CNTN5: variants seen among roughly 807,000 people sequenced by gnomAD.
The protein encoded by CNTN5 is contactin 5.
In CNTN5, 77 loss-of-function variants were observed where a neutral mutation model predicts 129.1. That is an observed-to-expected ratio of 0.60 (90% CI 0.50 to 0.72). The LOEUF is 0.72. Among genes scored for constraint, CNTN5 ranks in the 30% least tolerant of loss-of-function variants. CNTN5 has a pLI of 0.00. For missense variants in CNTN5, 1,478 were observed against 1,328.8 expected (o/e 1.11, Z -1.75); for synonymous variants, 509 against 465.6 (o/e 1.09, Z -1.20).
intron 3 of CNTN5, among the ~76,000 whole-genome samples, chr11:99,741,833 C>G (rs1334537417): frequency 1.3e-5 from 2 of 151,994 alleles, no homozygotes; most frequent in Admixed American, 6.6e-5. Flanking sequence ...TGTCTTGCCG[C>G]TATGTTTGGT....
intron 21 of CNTN5, among the ~76,000 whole-genome samples, chr11:100,323,578 C>T (rs1216221659): frequency 6.6e-6 from 1 of 151,990 alleles, no homozygotes; most frequent in East Asian, 1.9e-4. Context: ...CCATCATTTT[C>T]TTAATATCTG....
intron 18 of CNTN5, among the ~76,000 whole-genome samples, chr11:100,286,131 A>G (rs1048702392): frequency 6.6e-6 from 1 of 152,194 alleles, no homozygotes; most frequent in African/African-American, 2.4e-5. Flanking sequence ...GCTGATTGCT[A>G]GCACAGCAGT....
At chr11:99,451,799 T>G (rs2135194564) in intron 2 of CNTN5, among the ~76,000 whole-genome samples, 1 of 152,290 alleles carries the variant, frequency 6.6e-6, no homozygotes, top group South Asian at 2.1e-4. Flanking sequence ...TTTGGACACA[T>G]AATCTTCTTA....
chr11:100,095,821 G>T (rs934721017), intron 13 of CNTN5, among the ~76,000 whole-genome samples: 1 of 152,058 alleles, frequency 6.6e-6, no homozygotes, highest in South Asian at 2.1e-4. Flanking sequence ...GTGTGCCTTC[G>T]GTGATTTATT....
intron 1 of CNTN5, among the ~76,000 whole-genome samples, chr11:99,051,762 C>G (rs546109434): frequency 6.6e-6 from 1 of 151,726 alleles, no homozygotes; most frequent in Non-Finnish European, 1.5e-5. Context: ...ATTAATTCAT[C>G]GAAGTGTACT....
intron 16 of CNTN5, among the ~76,000 whole-genome samples, chr11:100,233,295 G>A (rs1949534077): frequency 6.6e-6 from 1 of 151,352 alleles, no homozygotes; most frequent in Admixed American, 6.6e-5. Flanking sequence ...GTAAAAGGGA[G>A]GAAGAAAGAA....
chr11:99,352,901 T>A (rs958614378), intron 2 of CNTN5, among the ~76,000 whole-genome samples: 2 of 152,188 alleles, frequency 1.3e-5, no homozygotes, highest in Admixed American at 6.5e-5. Flanking sequence ...GAGTGTGTTT[T>A]CCTGACTGTC....
At chr11:99,977,736 C>T (rs537893032) in intron 8 of CNTN5, among the ~76,000 whole-genome samples, 30 of 152,254 alleles carry the variant, frequency 2.0e-4, no homozygotes, top group African/African-American at 6.5e-4. Flanking sequence ...CATGAGGCCC[C>T]GCCTTCAACA....
chr11:99,877,309 T>C (rs1373486628), intron 6 of CNTN5, among the ~76,000 whole-genome samples: 1 of 152,168 alleles, frequency 6.6e-6, no homozygotes. Flanking sequence ...ATTGAACTAC[T>C]CAGCCAGATC....
At chr11:99,850,971 G>A (rs183442414) in intron 6 of CNTN5, among the ~76,000 whole-genome samples, 281 of 152,100 alleles carry the variant, frequency 1.8e-3, no homozygotes, top group Non-Finnish European at 2.6e-3. Context: ...TTCCTTAACC[G>A]GAACTAGAAT....
chr11:99,428,559 C>CAAA (rs60754666), intron 2 of CNTN5, among the ~76,000 whole-genome samples: 23 of 57,288 alleles, frequency 4.0e-4, no homozygotes, highest in Admixed American at 3.1e-3. Flanking sequence ...GACCCTGTCT[C>CAAA]AAAAAAAAAA....
At chr11:99,117,701 A>G (rs1858108147) in intron 1 of CNTN5, among the ~76,000 whole-genome samples, 1 of 152,156 alleles carries the variant, frequency 6.6e-6, no homozygotes, top group Admixed American at 6.6e-5. Context: ...TCATGAGGGT[A>G]GGGCTCCCAT....
At chr11:99,241,317 G>GTTTTTTTTTTTTTTTTTTTTTTTT (rs1565430527) in intron 1 of CNTN5, among the ~76,000 whole-genome samples, 2 of 60,130 alleles carry the variant, frequency 3.3e-5, no homozygotes, top group African/African-American at 1.1e-4. Context: ...TTTGATTGTT[G>GTTTTTTTTTTTTTTTTTTTTTTTT]GTTTTTTTTT....
At chr11:100,336,862 G>A (rs1207546942) in intron 21 of CNTN5, 1 of 495,334 alleles carries the variant, frequency 2.0e-6, no homozygotes, top group South Asian at 2.1e-5. Flanking sequence ...TCTAGATGTG[G>A]AACAGTGGAT....
At chr11:99,766,719 T>C (rs1235480390) in intron 3 of CNTN5, among the ~76,000 whole-genome samples, 1 of 152,090 alleles carries the variant, frequency 6.6e-6, no homozygotes, top group East Asian at 1.9e-4. Flanking sequence ...GAACTGGATT[T>C]AATATGCTTT....
intron 8 of CNTN5, among the ~76,000 whole-genome samples, chr11:99,990,483 C>CACACACACACACAT (rs1330009015): frequency 4.6e-5 from 7 of 151,338 alleles, no homozygotes; most frequent in African/African-American, 1.7e-4. Flanking sequence ...CACACACACA[C>CACACACACACACAT]ATACATACTA....
intron 8 of CNTN5, among the ~76,000 whole-genome samples, chr11:99,977,206 T>G (rs990191553): frequency 1.4e-4 from 21 of 152,216 alleles, no homozygotes; most frequent in African/African-American, 4.8e-4. Flanking sequence ...CAACTCTATC[T>G]GAGAAACCTC....
At chr11:99,432,459 TCTTTC>T (rs770789360) in intron 2 of CNTN5, among the ~76,000 whole-genome samples, 7,921 of 110,706 alleles carry the variant, frequency 0.072, 286 homozygotes, top group Non-Finnish European at 0.084. Flanking sequence ...TCTTTTCTTT[TCTTTC>T]CTTTTCTTTT....
intron 1 of CNTN5, among the ~76,000 whole-genome samples, chr11:99,132,371 G>A (rs532999330): frequency 6.6e-6 from 1 of 152,146 alleles, no homozygotes; most frequent in South Asian, 2.1e-4. Flanking sequence ...TCTCACCACT[G>A]TTATTCAACA....
Sources: gnomAD v4.1 joint callset for allele counts (sites outside exome capture counted in the v4.1 genomes callset) on GRCh38, gnomAD v4.1.1 for gene constraint, MANE v1.5 for transcripts, NCBI Gene and HGNC (gene_info 2026-07-23, HGNC 2026-07-21) for gene names.